Variants in ARHGEF12 observed in about 807,000 individuals in gnomAD.
The protein encoded by ARHGEF12 is KMT2A/ARHGEF12 fusion protein.
Under a neutral mutation model 211.2 loss-of-function variants are expected in ARHGEF12, and 66 were observed. The ratio of observed to expected loss-of-function variants is 0.31; its 90% confidence interval spans 0.26 to 0.38. The LOEUF (loss-of-function observed/expected upper bound fraction) is 0.38. Ranked by LOEUF, ARHGEF12 falls within the 10% of genes least tolerant of loss-of-function variation. ARHGEF12 has a pLI of 1.00. For synonymous variants in ARHGEF12, 592 were observed against 638.4 expected, an observed-to-expected ratio of 0.93 and a Z score of 1.09; for missense variants, 1,429 against 1,869.5, an observed-to-expected ratio of 0.76 and a Z score of 4.34.
chr11:120,457,030 T>G (rs1946383405), intron 22 of ARHGEF12, 88 bp from the exon 23 acceptor site: 1 of 1,288,622 alleles, frequency 7.8e-7, no homozygotes, highest in Non-Finnish European at 1.1e-6. Flanking sequence ...TGGATTAGGC[T>G]GAAGCTGTTC....
intron 1 of ARHGEF12, among the ~76,000 whole-genome samples, chr11:120,350,094 A>G (rs918206550): frequency 6.6e-6 from 1 of 152,196 alleles, no homozygotes; most frequent in Non-Finnish European, 1.5e-5. Context: ...GTAAATATTG[A>G]ATGCCTGTTC....
intron 1 of ARHGEF12, among the ~76,000 whole-genome samples, chr11:120,338,549 TA>T (rs1472701552): frequency 6.6e-6 from 1 of 152,248 alleles, no homozygotes; most frequent in Non-Finnish European, 1.5e-5. Flanking sequence ...TTCAATGAAA[TA>T]ATTTTTAACT....
intron 24 of ARHGEF12, 87 bp downstream of exon 24, chr11:120,457,843 G>GA: frequency 7.0e-7 from 1 of 1,418,520 alleles, no homozygotes; most frequent in African/African-American, 1.4e-5. Flanking sequence ...TAAAGGAAAA[G>GA]AAACCCTGTA....
At chr11:120,475,620 C>T (rs539192607) in intron 33 of ARHGEF12, 113 bp downstream of exon 33, 23 of 1,124,996 alleles carry the variant, frequency 2.0e-5, no homozygotes, top group Non-Finnish European at 2.7e-5. Flanking sequence ...TTTTTATATT[C>T]TTAAGCAAAT....
chr11:120,431,566 A>G (rs946668171), intron 10 of ARHGEF12, among the ~76,000 whole-genome samples: 6 of 152,168 alleles, frequency 3.9e-5, no homozygotes, highest in African/African-American at 1.2e-4. Context: ...CCCTGTCTTT[A>G]AGGTCATGAC....
intron 30 of ARHGEF12, among the ~76,000 whole-genome samples, chr11:120,471,338 G>GA (rs1334998704): frequency 2.0e-5 from 3 of 151,448 alleles, no homozygotes; most frequent in Non-Finnish European, 2.9e-5. Context: ...ATGCTGAGTG[G>GA]AAAAAAAACA....
Position 120,336,866 on chromosome 11 carries a change from G to A in ARHGEF12, c.-378G>A. Reference sequence around the variant, plus strand: ...TCGAGGCCCCGAGACTCCGGAGGAGGAGCCGACACCCGTCCGTGAGCTGAT... The same window carrying A: ...TCGAGGCCCCGAGACTCCGGAGGAGAAGCCGACACCCGTCCGTGAGCTGAT... On this transcript the variant is annotated 5_prime_UTR_variant, in exon 1 of 41. Transcript: ENST00000397843. 2.6e-6 allele frequency: 1 copy of A among 382,102 alleles called. No individual in the cohort carries two copies. The highest frequency in any genetic ancestry group is 4.6e-6 in the Non-Finnish European group (1 of 215,956). 23.7% of individuals were successfully genotyped at this position (382,102 alleles called of 1,614,324 possible).
At chr11:120,433,894 G>T (rs1945619383) in intron 11 of ARHGEF12, among the ~76,000 whole-genome samples, 1 of 152,102 alleles carries the variant, frequency 6.6e-6, no homozygotes, top group Non-Finnish European at 1.5e-5. Flanking sequence ...GGAGGCGGAG[G>T]TTGCAGTGAG....
intron 1 of ARHGEF12, among the ~76,000 whole-genome samples, chr11:120,395,513 A>G (rs538727369): frequency 6.6e-6 from 1 of 152,358 alleles, no homozygotes; most frequent in East Asian, 1.9e-4. Context: ...ATGTTGTATT[A>G]GTCTCTTCTC....
chr11:120,417,285 C>T (rs926495504), intron 4 of ARHGEF12, among the ~76,000 whole-genome samples: 2 of 151,948 alleles, frequency 1.3e-5, no homozygotes, highest in Non-Finnish European at 2.9e-5. Flanking sequence ...ACCTTTAATT[C>T]ATTAATTTTC....
chr11:120,375,460 A>T (rs1312664647), intron 1 of ARHGEF12, among the ~76,000 whole-genome samples: 6 of 152,016 alleles, frequency 3.9e-5, no homozygotes, highest in Admixed American at 2.0e-4. Context: ...TGATATTCTT[A>T]AAAAAAGCAC....
At chr11:120,406,270 T>C (rs1216851469) in intron 2 of ARHGEF12, 129 bp downstream of exon 2, 33 of 572,630 alleles carry the variant, frequency 5.8e-5, no homozygotes, top group Non-Finnish European at 8.2e-5. Flanking sequence ...AATTTCAAAA[T>C]GTTTTACAAA....
chr11:120,420,931 A>T, intron 5 of ARHGEF12, 80 bp downstream of exon 5: 1 of 1,206,214 alleles, frequency 8.3e-7, no homozygotes, highest in East Asian at 2.4e-5. Flanking sequence ...AATTGCCAAG[A>T]ATAGAATAAT....
At chr11:120,378,050 G>A (rs1185512899) in intron 1 of ARHGEF12, among the ~76,000 whole-genome samples, 1 of 152,096 alleles carries the variant, frequency 6.6e-6, no homozygotes, top group African/African-American at 2.4e-5. Context: ...ACAGGCATGA[G>A]CCACCACACC....
At chr11:120,363,457 A>G (rs1943334644) in intron 1 of ARHGEF12, among the ~76,000 whole-genome samples, 1 of 152,134 alleles carries the variant, frequency 6.6e-6, no homozygotes, top group African/African-American at 2.4e-5. Context: ...AATAGTTTAC[A>G]TTTCCCCCAC....
chr11:120,337,784 T>C, intron 1 of ARHGEF12: 1 of 985,432 alleles, frequency 1.0e-6, no homozygotes, highest in East Asian at 1.1e-4. Context: ...GTTTAATTAT[T>C]ATCTAATAAC....
intron 1 of ARHGEF12, among the ~76,000 whole-genome samples, chr11:120,405,675 A>T (rs573188155): frequency 6.6e-6 from 1 of 152,284 alleles, no homozygotes; most frequent in Admixed American, 6.5e-5. Flanking sequence ...CCTTCTAGGA[A>T]AACAGTGAGA....
intron 10 of ARHGEF12, 112 bp from the exon 11 acceptor site, chr11:120,431,659 A>C: frequency 2.5e-6 from 3 of 1,202,110 alleles, no homozygotes; most frequent in South Asian, 2.7e-5. Flanking sequence ...AGAATGTCCA[A>C]CTTTTAGTAG....
intron 1 of ARHGEF12, among the ~76,000 whole-genome samples, chr11:120,373,480 C>A (rs1344910211): frequency 6.6e-6 from 1 of 152,134 alleles, no homozygotes; most frequent in East Asian, 1.9e-4. Flanking sequence ...TGCTGTGTTC[C>A]CAACACCTAG....
Sources: gnomAD v4.1 joint callset for allele counts (sites outside exome capture counted in the v4.1 genomes callset) on GRCh38, gnomAD v4.1.1 for gene constraint, MANE v1.5 for transcripts, NCBI Gene and HGNC (gene_info 2026-07-23, HGNC 2026-07-21) for gene names.